Variants in LIMCH1 observed in about 807,000 individuals in gnomAD.
LIMCH1 encodes LIM and calponin homology domains-containing protein 1.
A neutral mutation model predicts 176.5 loss-of-function variants in LIMCH1; 113 were observed. The observed-to-expected ratio is 0.64, with a 90% CI of 0.55 to 0.75. The LOEUF (loss-of-function observed/expected upper bound fraction) is 0.75. Among genes scored for constraint, LIMCH1 ranks in the 30% least tolerant of loss-of-function variants. The pLI, the probability that LIMCH1 is intolerant of heterozygous loss-of-function variation, is 0.00. For missense variants in LIMCH1, 1,674 were observed against 1,814.9 expected, an observed-to-expected ratio of 0.92 and a Z score of 1.41; for synonymous variants, 619 against 645.9, an observed-to-expected ratio of 0.96 and a Z score of 0.63.
intron 1 of LIMCH1, among the ~76,000 whole-genome samples, chr4:41,421,944 G>T (rs553056228): frequency 1.5e-3 from 229 of 152,128 alleles, no homozygotes; most frequent in Middle Eastern, 0.01. Context: ...TTAGCCAGGT[G>T]TGGTGGCATG....
At chr4:41,671,402 ACACACACACACACACAC>A in intron 21 of LIMCH1, 135 bp from the exon 22 acceptor site, 5 of 372,198 alleles carry the variant, frequency 1.3e-5, no homozygotes, top group Non-Finnish European at 8.9e-6. Flanking sequence ...TACCAAACAC[ACACACACACACACACAC>A]ACACACACAC....
At chr4:41,561,362 A>G (rs923617494) in intron 1 of LIMCH1, among the ~76,000 whole-genome samples, 1 of 152,062 alleles carries the variant, frequency 6.6e-6, no homozygotes, top group African/African-American at 2.4e-5. Flanking sequence ...ATTCCAATTA[A>G]CTTTGCTGCT....
intron 1 of LIMCH1, among the ~76,000 whole-genome samples, chr4:41,448,055 T>C (rs1382035605): frequency 2.0e-5 from 3 of 152,186 alleles, no homozygotes; most frequent in African/African-American, 7.2e-5. Flanking sequence ...CCTCCCAAAG[T>C]GCTGGGATTA....
intron 18 of LIMCH1, among the ~76,000 whole-genome samples, chr4:41,654,792 C>T (rs953257650): frequency 6.6e-6 from 1 of 152,112 alleles, no homozygotes; most frequent in Middle Eastern, 3.2e-3. Context: ...GATGAGGGTG[C>T]TGTATATTCT....
intron 1 of LIMCH1, among the ~76,000 whole-genome samples, chr4:41,596,724 G>C (rs2088899475): frequency 6.6e-6 from 1 of 152,124 alleles, no homozygotes; most frequent in South Asian, 2.1e-4. Flanking sequence ...TCAGGGGATG[G>C]GAGGGAACTC....
chr4:41,404,688 A>C (rs1259424453), intron 1 of LIMCH1, among the ~76,000 whole-genome samples: 1 of 152,130 alleles, frequency 6.6e-6, no homozygotes, highest in African/African-American at 2.4e-5. Flanking sequence ...CTGAGGCAGG[A>C]AAATCACTTG....
intron 1 of LIMCH1, among the ~76,000 whole-genome samples, chr4:41,470,699 C>T (rs919576743): frequency 1.4e-4 from 21 of 152,158 alleles, no homozygotes; most frequent in Admixed American, 6.5e-4. Flanking sequence ...CTATTAACCA[C>T]GCCTCTTCTC....
intron 1 of LIMCH1, among the ~76,000 whole-genome samples, chr4:41,447,163 G>C (rs192612513): frequency 2.5e-4 from 38 of 152,332 alleles, no homozygotes; most frequent in Admixed American, 9.1e-4. Context: ...CCAGGAGCTT[G>C]AGGCTGCAGT....
At chr4:41,628,080 A>T (rs1283875052) in intron 8 of LIMCH1, among the ~76,000 whole-genome samples, 1 of 152,194 alleles carries the variant, frequency 6.6e-6, no homozygotes, top group Admixed American at 6.5e-5. Flanking sequence ...TACAGGACAC[A>T]TTATAGCTTC....
chr4:41,680,247 A>G, intron 24 of LIMCH1, 149 bp downstream of exon 24: 1 of 634,012 alleles, frequency 1.6e-6, no homozygotes, highest in Admixed American at 2.7e-5. Context: ...TAAAACAGTC[A>G]TGTCATTTAG....
At chr4:41,443,192 C>CTTTTTTTTTT (rs916559501) in intron 1 of LIMCH1, among the ~76,000 whole-genome samples, 9 of 39,662 alleles carry the variant, frequency 2.3e-4, no homozygotes, top group South Asian at 1.1e-3. Flanking sequence ...TGTTTTTTTT[C>CTTTTTTTTTT]TTTTTTTTTT....
chr4:41,493,214 A>C (rs908680164), intron 1 of LIMCH1, among the ~76,000 whole-genome samples: 1 of 152,088 alleles, frequency 6.6e-6, no homozygotes, highest in Non-Finnish European at 1.5e-5. Flanking sequence ...GTCAGGTTTA[A>C]GTCTATAATA....
chr4:41,526,525 G>A (rs992704982), intron 3 of LIMCH1, among the ~76,000 whole-genome samples: 18 of 151,848 alleles, frequency 1.2e-4, no homozygotes, highest in Admixed American at 7.2e-4. Context: ...TCGCCATCCC[G>A]CAACCCCCTG....
chr4:41,437,068 A>G (rs185495558), intron 1 of LIMCH1, among the ~76,000 whole-genome samples: 1 of 152,346 alleles, frequency 6.6e-6, no homozygotes, highest in Admixed American at 6.5e-5. Context: ...AGCTGTGTGC[A>G]TGCTTTAAAA....
chr4:41,536,701 A>G (rs575627594), upstream of LIMCH1, among the ~76,000 whole-genome samples: 9 of 152,306 alleles, frequency 5.9e-5, no homozygotes, highest in South Asian at 1.7e-3. Flanking sequence ...ATTCTACAAA[A>G]TACCCGACCA....
At chr4:41,615,450 C>CA (rs1233997401) in intron 5 of LIMCH1, among the ~76,000 whole-genome samples, 6 of 151,768 alleles carry the variant, frequency 4.0e-5, no homozygotes, top group South Asian at 2.1e-4. Flanking sequence ...TTTCTCCATC[C>CA]AAAAAAACAT....
chr4:41,479,028 G>A (rs987762407), intron 1 of LIMCH1, among the ~76,000 whole-genome samples: 11 of 152,146 alleles, frequency 7.2e-5, no homozygotes, highest in Admixed American at 5.9e-4. Context: ...AGAAAGGGAA[G>A]GGAAGGGGAG....
intron 1 of LIMCH1, among the ~76,000 whole-genome samples, chr4:41,565,568 A>G (rs1440040595): frequency 6.6e-6 from 1 of 152,004 alleles, no homozygotes; most frequent in African/African-American, 2.4e-5. Flanking sequence ...TAAAAATAAC[A>G]CTTAGCTTTT....
At chr4:41,444,968 CTG>C (rs1017658447) in intron 1 of LIMCH1, among the ~76,000 whole-genome samples, 15 of 151,792 alleles carry the variant, frequency 9.9e-5, no homozygotes, top group Non-Finnish European at 2.1e-4. Flanking sequence ...TCAATAACCA[CTG>C]TGTGCTTTTG....
Sources: gnomAD v4.1 joint callset for allele counts (sites outside exome capture counted in the v4.1 genomes callset) on GRCh38, gnomAD v4.1.1 for gene constraint, MANE v1.5 for transcripts, NCBI Gene and HGNC (gene_info 2026-07-23, HGNC 2026-07-21) for gene names.